Variants in BLOC1S2 observed in about 807,000 individuals in gnomAD.
BLOC1S2 encodes the protein biogenesis of lysosomal organelles complex 1 subunit 2.
In BLOC1S2, 12 loss-of-function variants were observed where a neutral mutation model predicts 19.6. The observed-to-expected ratio is 0.61, with a 90% CI of 0.39 to 0.99. The LOEUF is 0.99. BLOC1S2 is among the 50% of genes least tolerant of loss of function. BLOC1S2 has a pLI of 0.00. For missense variants in BLOC1S2, 142 were observed against 171.0 expected (o/e 0.83, Z 0.95); for synonymous variants, 66 against 64.1 (o/e 1.03, Z -0.14).
chr10:100,282,753 C>T (rs1479358850), intron 2 of BLOC1S2, among the ~76,000 whole-genome samples: 2 of 151,984 alleles, frequency 1.3e-5, no homozygotes, highest in African/African-American at 2.4e-5. Context: ...AGCATTTGTG[C>T]GAGTAAGAAT....
rs188557533 is a variant in BLOC1S2, at chr10:100,286,559, C to A, written c.55+46G>T. The A allele has an allele frequency of 1.5e-4, 244 of 1,608,342 alleles. 2 individuals are homozygous for A. In the East Asian group the frequency reaches 5.0e-3, roughly 33 times the overall value. On this transcript the variant is annotated intron_variant, in intron 1 of 4. Transcript: ENST00000370372. ...TCAACCTCGCCCACCCGAGACGGAG[C>A]CCCAGGCCCCCCACCGGACGCTTCC...
Position 100,273,965 on chromosome 10 carries a change from G to A in BLOC1S2, c.*1497C>T, listed in dbSNP as rs1169944012. ...CTTTTGTTTTTTATTTAAGAAAAAT[G>A]TTTAAATAGGGGCCTTATGTTAGGC... On this transcript the variant is annotated 3_prime_UTR_variant, in exon 5 of 5. Transcript: ENST00000370372. 1.3e-5 allele frequency: 2 copies of A among 152,104 alleles called. No homozygotes were observed. Among genetic ancestry groups the A allele is most frequent in the African/African-American group, 4.8e-5 (2 of 41,418 alleles). 9.4% of individuals were successfully genotyped at this position (152,104 alleles called of 1,614,324 possible).
At chr10:100,281,711 TACACACAC>T (rs71013439) in intron 2 of BLOC1S2, among the ~76,000 whole-genome samples, 2 of 132,538 alleles carry the variant, frequency 1.5e-5, no homozygotes, top group African/African-American at 2.9e-5. Context: ...TATATACACA[TACACACAC>T]ACACACACAC....
chr10:100,281,451 C>T (rs1423714674), intron 2 of BLOC1S2, among the ~76,000 whole-genome samples: 1 of 152,048 alleles, frequency 6.6e-6, no homozygotes, highest in South Asian at 2.1e-4. Context: ...TTTGGGAAGC[C>T]GAGGCGGGTG....
At chr10:100,277,821 C>T (rs1403724697) in intron 4 of BLOC1S2, among the ~76,000 whole-genome samples, 14 of 126,270 alleles carry the variant, frequency 1.1e-4, no homozygotes, top group African/African-American at 2.9e-4. Context: ...CCGCCCCGTC[C>T]GGGAGGGAGG....
At chr10:100,279,225 T>C (rs1848034901) in intron 4 of BLOC1S2, among the ~76,000 whole-genome samples, 2 of 152,234 alleles carry the variant, frequency 1.3e-5, no homozygotes, top group Admixed American at 1.3e-4. Flanking sequence ...GGAAAAGTGA[T>C]CTTTCAAGAA....
rs1431227549 is a variant in BLOC1S2 at position 100,275,084 on chromosome 10, T to C, written c.*378A>G. On this transcript the variant is annotated 3_prime_UTR_variant, in exon 5 of 5. Coordinates refer to ENST00000370372, the MANE Select transcript of BLOC1S2 (RefSeq NM_173809.5). ...ATTAACAGAAAAACGACCATTTACATAGTAACTAAAAAACCAGCCACTTAA... is the reference window on the plus strand; with the variant it reads ...ATTAACAGAAAAACGACCATTTACACAGTAACTAAAAAACCAGCCACTTAA... 2.5e-6 allele frequency: 1 copy of C among 401,024 alleles called. No homozygotes were observed. The highest frequency in any genetic ancestry group is 4.4e-6 in the Non-Finnish European group (1 of 227,382). 24.8% of individuals were successfully genotyped at this position (401,024 alleles called of 1,614,324 possible).
intron 2 of BLOC1S2, among the ~76,000 whole-genome samples, chr10:100,285,113 A>G (rs1189786386): frequency 3.3e-5 from 5 of 152,124 alleles, no homozygotes; most frequent in African/African-American, 1.2e-4. Context: ...CACAACCCCT[A>G]CTATTCTGTA....
chr10:100,275,984 C>T (rs943218564), intron 4 of BLOC1S2, among the ~76,000 whole-genome samples: 1 of 152,118 alleles, frequency 6.6e-6, no homozygotes, highest in Admixed American at 6.5e-5. Context: ...TCTGACATTC[C>T]GTTTTTCTAT....
intron 4 of BLOC1S2, among the ~76,000 whole-genome samples, chr10:100,278,090 C>G (rs1830381647): frequency 7.8e-6 from 1 of 127,492 alleles, no homozygotes; most frequent in Non-Finnish European, 1.8e-5. Context: ...GCCAGCCGCT[C>G]CGTCCGGGAG....
rs71013439 is a variant in BLOC1S2 at position 100,281,711 on chromosome 10, TACAC to T, written c.173-662_173-659del. 3.8e-3 allele frequency among the ~76,000 whole-genome samples: 499 copies of T among 132,550 alleles called. 3 individuals are homozygous for T. The highest frequency in any genetic ancestry group is 0.011 in the African/African-American group (385 of 35,066). 87.0% of individuals were successfully genotyped at this position (132,550 alleles called of 152,430 possible). On this transcript the variant is annotated intron_variant, in intron 2 of 4. Transcript: ENST00000370372. ...AAAAAAAAATATATATATATACACA[TACAC>T]ACACACACACACACACACACACACA...
intron 2 of BLOC1S2, chr10:100,282,942 A>G (rs1848145050): frequency 2.5e-6 from 1 of 398,610 alleles, no homozygotes; most frequent in Non-Finnish European, 4.4e-6. Context: ...CTCATCCTGC[A>G]CAGCGTCCAA....
intron 2 of BLOC1S2, among the ~76,000 whole-genome samples, chr10:100,285,076 GA>G (rs1037335108): frequency 3.5e-5 from 4 of 115,320 alleles, no homozygotes; most frequent in African/African-American, 1.4e-4. Flanking sequence ...CTTAAAAACA[GA>G]AAAAGAAAAA....
At chr10:100,284,836 T>A (rs1363068976) in intron 2 of BLOC1S2, among the ~76,000 whole-genome samples, 1 of 151,770 alleles carries the variant, frequency 6.6e-6, no homozygotes, top group Non-Finnish European at 1.5e-5. Flanking sequence ...GTAATGAAGA[T>A]CTCAGGCAGA....
rs1312247861 is a variant in BLOC1S2 at position 100,278,074 on chromosome 10, C to G, written c.397+2050G>C. Among the ~76,000 whole-genome samples the G allele has an allele frequency of 1.4e-5, 2 of 141,700 alleles. 1 individual carries two copies. Among genetic ancestry groups the G allele is most frequent in the Non-Finnish European group, 3.1e-5 (2 of 64,198 alleles). 93.0% of individuals were successfully genotyped at this position (141,700 alleles called of 152,430 possible). ...GAGGGAGGTGGGGGGCTCAGCCCCC[C>G]GCCGGGCCAGCCGCTCCGTCCGGGA... On this transcript the variant is annotated intron_variant, in intron 4 of 4. Coordinates refer to ENST00000370372, the MANE Select transcript of BLOC1S2 (RefSeq NM_173809.5).
chr10:100,285,223 G>A (rs1051448601), intron 2 of BLOC1S2, among the ~76,000 whole-genome samples: 2 of 152,108 alleles, frequency 1.3e-5, no homozygotes, highest in Non-Finnish European at 2.9e-5. Context: ...TGCTGTACTG[G>A]ACCAGACTTC....
At chr10:100,277,192 G>A (rs1426603408) in intron 4 of BLOC1S2, among the ~76,000 whole-genome samples, 5 of 149,084 alleles carry the variant, frequency 3.4e-5, no homozygotes, top group East Asian at 4.0e-4. Context: ...CTGCCCGGCC[G>A]CCCCGTCTGA....
At chr10:100,276,316 CGTCTCCCTCTCTCTCTCCCG>C (rs1564870881) in intron 4 of BLOC1S2, among the ~76,000 whole-genome samples, 1 of 66,372 alleles carries the variant, frequency 1.5e-5, no homozygotes, top group African/African-American at 3.8e-5. Flanking sequence ...CTCCCTCTCC[CGTCTCCCTCTCTCTCTCCCG>C]TCTCCCTCTC....
Position 100,275,009 on chromosome 10 carries a change from T to C in BLOC1S2, c.*453A>G. On this transcript the variant is annotated 3_prime_UTR_variant, in exon 5 of 5. Transcript: ENST00000370372. ...TGATAAGCTGCAAAGAACAAGTTTG[T>C]TTTGTTTTCCTTTTTAAATTTAGAA... 2.5e-6 allele frequency: 1 copy of C among 399,160 alleles called. No individual in the cohort carries two copies. Among genetic ancestry groups the C allele is most frequent in the South Asian group, 1.3e-4 (1 of 7,866 alleles). 24.7% of individuals were successfully genotyped at this position (399,160 alleles called of 1,614,324 possible).
Sources: allele counts gnomAD v4.1 joint callset (sites outside exome capture counted in the v4.1 genomes callset), GRCh38; gene constraint gnomAD v4.1.1; transcripts MANE v1.5; gene names NCBI Gene and HGNC (gene_info 2026-07-23, HGNC 2026-07-21).